Variants in PRKN observed in about 807,000 individuals in gnomAD.
PRKN encodes the protein E3 ubiquitin-protein ligase parkin.
A neutral mutation model predicts 59.5 loss-of-function variants in PRKN; 56 were observed. The ratio of observed to expected loss-of-function variants is 0.94; its 90% CI spans 0.76 to 1.18. The LOEUF (loss-of-function observed/expected upper bound fraction) is 1.18, where lower values mean the gene tolerates loss of function less well. PRKN is among the 50% of genes most tolerant of loss of function. PRKN has a pLI of 0.00. For missense variants in PRKN, 657 were observed against 596.4 expected (o/e 1.10, Z -1.06); for synonymous variants, 250 against 222.1 (o/e 1.13, Z -1.12).
At chr6:161,427,125 C>T (rs1390068917) in intron 9 of PRKN, among the ~76,000 whole-genome samples, 4 of 152,022 alleles carry the variant, frequency 2.6e-5, no homozygotes, top group South Asian at 4.1e-4. Flanking sequence ...TTCAAGCAAT[C>T]CTCCCACCTC....
intron 7 of PRKN, among the ~76,000 whole-genome samples, chr6:161,763,234 G>T (rs1166000262): frequency 6.6e-6 from 1 of 152,252 alleles, no homozygotes; most frequent in African/African-American, 2.4e-5. Flanking sequence ...TGTGAGCCGT[G>T]AGTTGGCACG....
At chr6:162,677,037 G>A (rs1779575839) in intron 1 of PRKN, among the ~76,000 whole-genome samples, 2 of 144,962 alleles carry the variant, frequency 1.4e-5, no homozygotes. Flanking sequence ...CTCCAGCCTG[G>A]CCAAGAGAGG....
Position 161,826,785 on chromosome 6 carries a change from G to A in PRKN, c.735-40877C>T, listed in dbSNP as rs75531296. The stretch of plus-strand genomic sequence containing the variant: ...CAGCACCAATTCAACAGAGAGGCAT[G>A]TAGGAACGGACACGCTGAGTGAGTT... On this transcript the variant is annotated intron_variant, in intron 6 of 11. Coordinates refer to ENST00000366898, the MANE Select transcript of PRKN (RefSeq NM_004562.3). Among the ~76,000 whole-genome samples, 986 of 152,312 alleles carry A rather than the reference G, an allele frequency of 6.5e-3. 9 individuals are homozygous for A. Among genetic ancestry groups the A allele is most frequent in the African/African-American group, 0.023 (939 of 41,544 alleles).
intron 1 of PRKN, among the ~76,000 whole-genome samples, chr6:162,564,121 T>C (rs536099052): frequency 6.6e-6 from 1 of 151,922 alleles, no homozygotes; most frequent in South Asian, 2.1e-4. Flanking sequence ...CCGAGGTGGG[T>C]GGATCACAGA....
At chr6:161,910,738 T>C (rs886660273) in intron 6 of PRKN, among the ~76,000 whole-genome samples, 10 of 152,168 alleles carry the variant, frequency 6.6e-5, no homozygotes, top group African/African-American at 2.2e-4. Flanking sequence ...GCACATTTCA[T>C]TGTTGTCTTA....
At chr6:162,650,762 T>C (rs1583983384) in intron 1 of PRKN, among the ~76,000 whole-genome samples, 1 of 152,282 alleles carries the variant, frequency 6.6e-6, no homozygotes, top group South Asian at 2.1e-4. Context: ...TAGAGTCCAA[T>C]AATCTTTGTC....
chr6:162,441,519 C>T (rs909468545), intron 2 of PRKN, among the ~76,000 whole-genome samples: 3 of 152,052 alleles, frequency 2.0e-5, no homozygotes, highest in East Asian at 1.9e-4. Flanking sequence ...TTTTCAGGTG[C>T]GATACGGCAG....
chr6:161,831,501 C>T (rs765305335), intron 6 of PRKN, among the ~76,000 whole-genome samples: 28 of 152,148 alleles, frequency 1.8e-4, no homozygotes, highest in Non-Finnish European at 2.9e-4. Flanking sequence ...ATCCCAGGCT[C>T]CGTGGAGGTT....
intron 1 of PRKN, among the ~76,000 whole-genome samples, chr6:162,452,658 A>G (rs1790682155): frequency 6.6e-6 from 1 of 152,154 alleles, no homozygotes; most frequent in Non-Finnish European, 1.5e-5. Context: ...AATCCTTCCA[A>G]AAAGGGCAGG....
At chr6:161,955,106 G>C (rs967972720) in intron 6 of PRKN, among the ~76,000 whole-genome samples, 8 of 152,120 alleles carry the variant, frequency 5.3e-5, no homozygotes, top group African/African-American at 1.7e-4. Flanking sequence ...AATCATTCCT[G>C]GGTCAGCCCC....
intron 7 of PRKN, among the ~76,000 whole-genome samples, chr6:161,655,590 A>G (rs1428436336): frequency 6.6e-6 from 1 of 152,258 alleles, no homozygotes. Context: ...AAGCTTTGCC[A>G]AACCGAGAGA....
At chr6:162,605,229 T>C (rs372214102) in intron 1 of PRKN, among the ~76,000 whole-genome samples, 6 of 151,896 alleles carry the variant, frequency 4.0e-5, no homozygotes, top group Admixed American at 2.6e-4. Context: ...CCAGTAAGAA[T>C]AGAGAAGATT....
At chr6:162,540,242 T>C (rs13209784) in intron 1 of PRKN, among the ~76,000 whole-genome samples, 13,818 of 152,078 alleles carry the variant, frequency 0.091, 746 homozygotes, top group Middle Eastern at 0.17. Context: ...TTATTTTTTA[T>C]TTTTTGAGAT....
intron 1 of PRKN, among the ~76,000 whole-genome samples, chr6:162,595,504 C>G (rs530964740): frequency 6.6e-4 from 100 of 152,220 alleles, no homozygotes; most frequent in African/African-American, 2.3e-3. Flanking sequence ...GATCCACCTG[C>G]CGCAGCCTCC....
intron 7 of PRKN, among the ~76,000 whole-genome samples, chr6:161,574,203 C>G (rs1317121620): frequency 1.3e-5 from 2 of 152,114 alleles, no homozygotes; most frequent in Non-Finnish European, 2.9e-5. Context: ...CAGATATAAA[C>G]TCAGTGTGAA....
intron 6 of PRKN, among the ~76,000 whole-genome samples, chr6:161,817,725 T>C (rs1791847901): frequency 6.6e-6 from 1 of 152,126 alleles, no homozygotes; most frequent in Non-Finnish European, 1.5e-5. Flanking sequence ...TTATATAGAC[T>C]AAGTTACAAT....
chr6:162,367,701 T>C (rs1336436229), intron 2 of PRKN, among the ~76,000 whole-genome samples: 2 of 152,170 alleles, frequency 1.3e-5, no homozygotes, highest in Non-Finnish European at 2.9e-5. Context: ...ATACAAGATG[T>C]ATTAGGTACT....
chr6:161,479,748 C>A (rs2115234147), intron 9 of PRKN, among the ~76,000 whole-genome samples: 1 of 152,304 alleles, frequency 6.6e-6, no homozygotes, highest in East Asian at 1.9e-4. Flanking sequence ...TGGAATCTTA[C>A]AATGTAGCCC....
chr6:162,184,632 T>C (rs1278012656), intron 4 of PRKN, among the ~76,000 whole-genome samples: 1 of 152,174 alleles, frequency 6.6e-6, no homozygotes, highest in African/African-American at 2.4e-5. Flanking sequence ...CATGCGGAAC[T>C]GTGAGTCAGT....
Sources: gnomAD v4.1 joint callset for allele counts (sites outside exome capture counted in the v4.1 genomes callset) on GRCh38, gnomAD v4.1.1 for gene constraint, MANE v1.5 for transcripts, NCBI Gene and HGNC (gene_info 2026-07-23, HGNC 2026-07-21) for gene names.